Variants in PLCB1 observed in about 807,000 individuals in gnomAD.
PLCB1 encodes phospholipase C beta 1, also known as 1-phosphatidylinositol 4,5-bisphosphate phosphodiesterase beta-1.
Under a neutral mutation model 161.8 loss-of-function variants are expected in PLCB1, and 46 were observed. The observed-to-expected ratio is 0.28, with a 90% CI of 0.22 to 0.36. The LOEUF is 0.36. PLCB1 is among the 10% of genes least tolerant of loss of function. The pLI is 1.00. For missense variants in PLCB1, 1,016 were observed against 1,472.5 expected (o/e 0.69, Z 5.07); for synonymous variants, 517 against 503.7 (o/e 1.03, Z -0.35).
rs746109335 is a variant in PLCB1 at position 8,765,387 on chromosome 20, T to A, written c.2930+29T>A. ...AGTTCAATGAATATTTTTAGTTGGT[T>A]TCATAGCATGAAGAGTTGTTAACAT... On this transcript the variant is annotated intron_variant, in intron 26 of 31. Coordinates refer to ENST00000338037, the MANE Select transcript of PLCB1 (RefSeq NM_015192.4). 2.7e-6 allele frequency: 4 copies of A among 1,489,506 alleles called. No individual in the cohort carries two copies. In the African/African-American group the frequency reaches 5.6e-5, roughly 21 times the overall value. 92.3% of individuals were successfully genotyped at this position (1,489,506 alleles called of 1,614,324 possible).
At chr20:8,286,244 A>G (rs1983117018) in intron 2 of PLCB1, among the ~76,000 whole-genome samples, 2 of 152,154 alleles carry the variant, frequency 1.3e-5, no homozygotes, top group Non-Finnish European at 2.9e-5. Flanking sequence ...GAATCGCTTG[A>G]ACCCTGAAGG....
At chr20:8,371,829 C>T in intron 3 of PLCB1, 1 of 166,732 alleles carries the variant, frequency 6.0e-6, no homozygotes, top group East Asian at 1.7e-4. Context: ...TCCCATATAG[C>T]TGAAATGCTC....
chr20:8,236,331 AATC>A (rs1980320265), intron 2 of PLCB1, among the ~76,000 whole-genome samples: 3 of 152,150 alleles, frequency 2.0e-5, no homozygotes, highest in Admixed American at 1.3e-4. Context: ...GGGAGTTTGA[AATC>A]AGCCCAGATA....
In PLCB1 at chr20:8,759,742, C is replaced by T. The variant is rs185985335; in HGVS notation, c.2657-665C>T. 2.2e-3 allele frequency among the ~76,000 whole-genome samples: 340 copies of T among 152,198 alleles called. 2 individuals carry two copies. Among genetic ancestry groups the T allele is most frequent in the Admixed American group, 0.02 (301 of 15,300 alleles). On this transcript the variant is annotated intron_variant, in intron 24 of 31. Transcript: ENST00000338037. ...GTCGAGCTCCTGACCTCAGCTGATCCATCTACCTTGGCCTCCCAGCGTTTG... is the reference window on the plus strand; with the variant it reads ...GTCGAGCTCCTGACCTCAGCTGATCTATCTACCTTGGCCTCCCAGCGTTTG...
At chr20:8,300,104 G>A (rs999261413) in intron 2 of PLCB1, among the ~76,000 whole-genome samples, 43 of 152,134 alleles carry the variant, frequency 2.8e-4, no homozygotes, top group African/African-American at 8.9e-4. Flanking sequence ...GGCTGACTTA[G>A]GATGGCTTCA....
chr20:8,717,633 G>A, intron 13 of PLCB1, 38 bp from the exon 14 acceptor site: 2 of 1,513,530 alleles, frequency 1.3e-6, no homozygotes, highest in South Asian at 1.2e-5. Flanking sequence ...GAAAGAGGGA[G>A]CAGTATTTTT....
At chr20:8,512,649 A>C (rs571831261) in intron 3 of PLCB1, among the ~76,000 whole-genome samples, 3 of 152,234 alleles carry the variant, frequency 2.0e-5, no homozygotes, top group African/African-American at 7.2e-5. Context: ...ATTTTACCCC[A>C]TATTGTACAT....
rs73895069 is a variant in PLCB1, at chr20:8,657,114, A to G, written c.595-70A>G. 4,925 of 845,306 alleles carry G rather than the reference A, an allele frequency of 5.8e-3. 116 individuals are homozygous for G. The highest frequency in any genetic ancestry group is 0.047 in the African/African-American group (2,784 of 59,854). The allele number at this position is 845,306 out of a possible 1,614,324, so 52.4% of individuals were successfully genotyped here. A position where few individuals can be genotyped will look rare whatever the true frequency, so the allele number is the denominator to read the frequency against. On this transcript the variant is annotated intron_variant, in intron 7 of 31. Coordinates refer to ENST00000338037, the MANE Select transcript of PLCB1 (RefSeq NM_015192.4). ...AGAAAGGAGAGAAAAGAAGACAGAG[A>G]AAAAACAGGGAGGGAGGAAGCTGGG...
At chr20:8,479,242 C>G (rs903916442) in intron 3 of PLCB1, among the ~76,000 whole-genome samples, 2 of 152,092 alleles carry the variant, frequency 1.3e-5, no homozygotes, top group Non-Finnish European at 2.9e-5. Context: ...TGCAAGCCAT[C>G]AAAGTGTACA....
chr20:8,280,944 A>G (rs1982848370), intron 2 of PLCB1, among the ~76,000 whole-genome samples: 1 of 152,220 alleles, frequency 6.6e-6, no homozygotes, highest in Non-Finnish European at 1.5e-5. Context: ...GGAAGCATTA[A>G]GCAGTAGTGC....
At chr20:8,841,159 A>G (rs1986490081) in intron 31 of PLCB1, among the ~76,000 whole-genome samples, 1 of 152,158 alleles carries the variant, frequency 6.6e-6, no homozygotes, top group Admixed American at 6.5e-5. Flanking sequence ...TTTCATATGC[A>G]TGCATAGCAT....
chr20:8,567,956 A>T (rs1986392496), intron 3 of PLCB1, among the ~76,000 whole-genome samples: 1 of 152,220 alleles, frequency 6.6e-6, no homozygotes, highest in Admixed American at 6.5e-5. Flanking sequence ...TCTCATAACC[A>T]AATTGGAAAT....
intron 31 of PLCB1, among the ~76,000 whole-genome samples, chr20:8,854,072 A>G (rs1221962523): frequency 6.6e-6 from 1 of 152,206 alleles, no homozygotes; most frequent in Non-Finnish European, 1.5e-5. Context: ...GAGCTCACAA[A>G]GGCAAAATAA....
intron 2 of PLCB1, among the ~76,000 whole-genome samples, chr20:8,362,296 A>G (rs765305215): frequency 6.6e-6 from 1 of 152,192 alleles, no homozygotes; most frequent in Non-Finnish European, 1.5e-5. Flanking sequence ...ATAAGTTGAC[A>G]TCTCGTTAAA....
chr20:8,359,166 T>C (rs903571896), intron 2 of PLCB1, among the ~76,000 whole-genome samples: 2 of 152,180 alleles, frequency 1.3e-5, no homozygotes, highest in African/African-American at 4.8e-5. Context: ...TTACTCCCTC[T>C]CTGTTCATAA....
chr20:8,344,360 T>C (rs1276946826), intron 2 of PLCB1, among the ~76,000 whole-genome samples: 2 of 152,204 alleles, frequency 1.3e-5, no homozygotes, highest in African/African-American at 4.8e-5. Flanking sequence ...CACCCTCTTC[T>C]TTGCACACAA....
intron 2 of PLCB1, among the ~76,000 whole-genome samples, chr20:8,355,259 A>C (rs893858339): frequency 7.2e-5 from 11 of 152,130 alleles, no homozygotes; most frequent in African/African-American, 2.7e-4. Flanking sequence ...AGGTCATTTA[A>C]GCCCCATATT....
chr20:8,279,977 A>G (rs1027890142), intron 2 of PLCB1, among the ~76,000 whole-genome samples: 4 of 152,178 alleles, frequency 2.6e-5, no homozygotes, highest in Admixed American at 6.6e-5. Flanking sequence ...TATTCACTTC[A>G]TAATGATTTG....
chr20:8,717,609 TG>T, intron 13 of PLCB1, 61 bp from the exon 14 acceptor site: 1 of 1,320,518 alleles, frequency 7.6e-7, no homozygotes, highest in African/African-American at 1.5e-5. Flanking sequence ...TCTGGGGGTC[TG>T]GGGAGGGGAT....
Sources: gnomAD v4.1 joint callset for allele counts (sites outside exome capture counted in the v4.1 genomes callset) on GRCh38, gnomAD v4.1.1 for gene constraint, MANE v1.5 for transcripts, NCBI Gene and HGNC (gene_info 2026-07-23, HGNC 2026-07-21) for gene names.